The following ZNF66 variants were observed in gnomAD, a reference collection of about 807,000 sequenced individuals.
ZNF66 encodes putative zinc finger protein 66.
A neutral mutation model predicts 35.2 loss-of-function variants in ZNF66; 32 were observed. The ratio of observed to expected loss-of-function variants is 0.91; its 90% CI spans 0.69 to 1.22. The LOEUF (loss-of-function observed/expected upper bound fraction) is 1.22, where lower values mean the gene tolerates loss of function less well. Among genes scored for constraint, ZNF66 ranks in the 50% most tolerant of loss-of-function variants. ZNF66 has a pLI of 0.00. For synonymous variants in ZNF66, 231 were observed against 181.3 expected (o/e 1.27, Z -2.20); for missense variants, 666 against 543.1 (o/e 1.23, Z -2.25).
At position 20,807,617 on chromosome 19, in the gene ZNF66, G is replaced by A. The variant is rs1171987403; in HGVS notation, c.*295G>A. ...TTTTTTGAGATGAAGTTTCATGCTTGTCACCCAAGCTGGAATACAATGTGA... is the reference window on the plus strand; with the variant it reads ...TTTTTTGAGATGAAGTTTCATGCTTATCACCCAAGCTGGAATACAATGTGA... On this transcript the variant is annotated 3_prime_UTR_variant, in exon 4 of 4. Coordinates refer to ENST00000344519, the MANE Select transcript of ZNF66 (RefSeq NM_001355197.2). 6.9e-6 allele frequency among the ~76,000 whole-genome samples: 1 copy of A among 144,162 alleles called. No individual in the cohort carries two copies. The highest frequency in any genetic ancestry group is 2.6e-5 in the African/African-American group (1 of 38,824). The allele number at this position is 144,162 out of a possible 152,430, so 94.6% of individuals were successfully genotyped here.
intron 1 of ZNF66, among the ~76,000 whole-genome samples, chr19:20,777,452 A>AT (rs756548895): frequency 0.019 from 2,350 of 123,094 alleles, 34 homozygotes; most frequent in East Asian, 0.031. Context: ...TTGAGCTTAG[A>AT]TTTTTTTTTT....
chr19:20,806,735 A>G lies in ZNF66; in HGVS notation c.1135A>G (p.Lys379Glu). 1 of 1,384,634 alleles carries G rather than the reference A, an allele frequency of 7.2e-7. No homozygotes were observed. Among genetic ancestry groups the G allele is most frequent in the Non-Finnish European group, 1.0e-6 (1 of 973,922 alleles). The allele number at this position is 1,384,634 out of a possible 1,614,324, so 85.8% of individuals were successfully genotyped here. The part of the protein sequence containing the change: ...YKCEECGEAF[K>E]YSCSLTAHKI... Reference sequence around the variant, plus strand: ...ATGTGAAGAATGTGGTGAAGCCTTTAAGTACTCCTGTTCCCTTACTGCACA... The same window carrying G: ...ATGTGAAGAATGTGGTGAAGCCTTTGAGTACTCCTGTTCCCTTACTGCACA... The change falls in exon 4 of 4, where the codon AAG becomes GAG. Residue 379 changes from lysine to glutamate, a missense_variant. Coordinates refer to ENST00000344519, the MANE Select transcript of ZNF66 (RefSeq NM_001355197.2).
intron 1 of ZNF66, among the ~76,000 whole-genome samples, chr19:20,789,492 C>G (rs1279509114): frequency 6.6e-6 from 1 of 152,108 alleles, no homozygotes; most frequent in Admixed American, 6.6e-5. Flanking sequence ...TCTATTAAAA[C>G]CAGTGTTTGC....
At chr19:20,789,169 GGGATT>G (rs1971314063) in intron 1 of ZNF66, among the ~76,000 whole-genome samples, 1 of 152,084 alleles carries the variant, frequency 6.6e-6, no homozygotes, top group Admixed American at 6.6e-5. Flanking sequence ...CAGAAATTCT[GGGATT>G]TAAGTTTTTC....
chr19:20,784,431 C>T (rs1256672706), intron 1 of ZNF66, among the ~76,000 whole-genome samples: 1 of 152,054 alleles, frequency 6.6e-6, no homozygotes, highest in African/African-American at 2.4e-5. Context: ...AATGAGTAAA[C>T]ACAATTTAGG....
At chr19:20,799,503 ATTGTG>A (rs1207115003) in intron 3 of ZNF66, 1 of 102,586 alleles carries the variant, frequency 9.7e-6, no homozygotes, top group Non-Finnish European at 2.2e-5. Context: ...TTTTGTTGGT[ATTGTG>A]TTTTTTGTTT....
At chr19:20,803,734 G>A (rs971757988) in intron 3 of ZNF66, among the ~76,000 whole-genome samples, 1 of 150,422 alleles carries the variant, frequency 6.6e-6, no homozygotes, top group African/African-American at 2.4e-5. Context: ...GTTATTTTCA[G>A]TGGAGGAAAC....
At chr19:20,794,015 G>A (rs978085959) in intron 3 of ZNF66, 137 bp downstream of exon 3, 2 of 542,162 alleles carry the variant, frequency 3.7e-6, no homozygotes, top group Non-Finnish European at 6.5e-6. Context: ...TTTGTTTTTT[G>A]TTTTTGTTTT....
intron 3 of ZNF66, among the ~76,000 whole-genome samples, chr19:20,804,509 T>C (rs1971480961): frequency 6.6e-6 from 1 of 152,174 alleles, no homozygotes; most frequent in Admixed American, 6.6e-5. Flanking sequence ...CCTCTCAAAG[T>C]GCTGGGATTA....
In ZNF66 at chr19:20,807,553, G is replaced by A. The variant is rs1000929742; in HGVS notation, c.*231G>A. 4.9e-4 allele frequency among the ~76,000 whole-genome samples: 74 copies of A among 151,672 alleles called. No homozygotes were observed. The highest frequency in any genetic ancestry group is 1.0e-4 in the Non-Finnish European group (7 of 67,976). ...AAACCCTACACCTGTGAAGAATGTG[G>A]CATAGCCTATAACAATTTTCAATCA... On this transcript the variant is annotated 3_prime_UTR_variant, in exon 4 of 4. Coordinates refer to ENST00000344519, the MANE Select transcript of ZNF66 (RefSeq NM_001355197.2).
rs769327884 is a variant in ZNF66 at position 20,806,146 on chromosome 19, T to C, written c.546T>C (p.Phe182=). The change falls in exon 4 of 4, where the codon TTT becomes TTC. Residue 182 remains phenylalanine (F), a synonymous_variant. Coordinates refer to ENST00000344519, the MANE Select transcript of ZNF66 (RefSeq NM_001355197.2). ...AATTTACAGAATGTGGCAAAGCTTT[T>C]AACCGGTCCTCAACCTTTACTACAC... ...PCKFTECGKA[F]NRSSTFTTHK... is the part of the protein sequence containing the mutation. 20 of 1,155,930 alleles carry C rather than the reference T, an allele frequency of 1.7e-5. No homozygotes were observed. The African/African-American group carries it at 1.8e-4, about 11-fold the overall frequency. The allele number at this position is 1,155,930 out of a possible 1,614,324, so 71.6% of individuals were successfully genotyped here.
intron 1 of ZNF66, among the ~76,000 whole-genome samples, chr19:20,778,573 C>T (rs1971216603): frequency 6.6e-6 from 1 of 152,002 alleles, no homozygotes; most frequent in South Asian, 2.1e-4. Flanking sequence ...TACTTGAGGT[C>T]AGGAATTTGA....
At chr19:20,782,082 C>G (rs185275016) in intron 1 of ZNF66, among the ~76,000 whole-genome samples, 2,299 of 152,164 alleles carry the variant, frequency 0.015, 30 homozygotes, top group Non-Finnish European at 0.025. Context: ...AGGACTACAC[C>G]TGGGCGTTAC....
In ZNF66 at chr19:20,799,874, G is replaced by A. The variant is rs1373913943; in HGVS notation, c.227-5953G>A. 2.6e-5 allele frequency among the ~76,000 whole-genome samples: 4 copies of A among 152,076 alleles called. No individual in the cohort carries two copies. The South Asian group carries it at 6.2e-4, about 24-fold the overall frequency. On this transcript the variant is annotated intron_variant, in intron 3 of 3. Coordinates refer to ENST00000344519, the MANE Select transcript of ZNF66 (RefSeq NM_001355197.2). ...TTGACATCTTTGAAAAATAAAATTT[G>A]TTGCCCCCTGAGCAAGAATATGTTG...
chr19:20,806,100 A>T lies in ZNF66; in HGVS notation c.500A>T (p.His167Leu). The change falls in exon 4 of 4, where the codon CAT (histidine) becomes CTT (leucine). Residue 167 changes from histidine (H) to leucine (L), a missense_variant. By Grantham distance (99) the His-to-Leu change is moderately conservative. Coordinates refer to ENST00000344519, the MANE Select transcript of ZNF66 (RefSeq NM_001355197.2). ...AATACAAACAGACATAAGATAAGAC[A>T]TACTGGAAAAAACCCTTGCAAATTT... ...FSNTNRHKIR[H>L]TGKNPCKFTE... The T allele has an allele frequency of 1.1e-6, 1 of 914,432 alleles. No homozygotes were observed. Among genetic ancestry groups the T allele is most frequent in the Non-Finnish European group, 1.8e-6 (1 of 552,266 alleles). 56.6% of individuals were successfully genotyped at this position (914,432 alleles called of 1,614,324 possible). A position where few individuals can be genotyped will look rare whatever the true frequency, so the allele number is the denominator to read the frequency against.
rs187484539 is a variant in ZNF66 at position 20,788,876 on chromosome 19, C to T, written c.4-3636C>T. Among the ~76,000 whole-genome samples, 17 of 151,884 alleles carry T rather than the reference C, an allele frequency of 1.1e-4. 1 individual carries two copies. The highest frequency in any genetic ancestry group is 6.6e-4 in the Admixed American group (10 of 15,254). The stretch of plus-strand genomic sequence containing the variant: ...GACCAGCCTGACCAATGTGGTGAAA[C>T]GCCGTCTCTACTAATAATACAAAAA... On this transcript the variant is annotated intron_variant, in intron 1 of 3. Transcript: ENST00000344519.
At chr19:20,792,295 A>G (rs1387421350) in intron 1 of ZNF66, among the ~76,000 whole-genome samples, 2 of 152,242 alleles carry the variant, frequency 1.3e-5, no homozygotes, top group Admixed American at 6.5e-5. Flanking sequence ...CTAGAAAAAT[A>G]TATGAACTGA....
At chr19:20,782,014 T>G (rs918757350) in intron 1 of ZNF66, among the ~76,000 whole-genome samples, 4 of 152,190 alleles carry the variant, frequency 2.6e-5, no homozygotes, top group African/African-American at 9.7e-5. Flanking sequence ...TTGGCTTACT[T>G]TAACCTCAAC....
chr19:20,793,899 A>G (rs763908232), intron 3 of ZNF66, 21 bp downstream of exon 3: 21 of 1,042,342 alleles, frequency 2.0e-5, no homozygotes, highest in Non-Finnish European at 2.6e-5. Context: ...GTGAAAATGA[A>G]TACAACAGAC....
Sources: gnomAD v4.1 joint callset for allele counts (sites outside exome capture counted in the v4.1 genomes callset) on GRCh38, gnomAD v4.1.1 for gene constraint, MANE v1.5 for transcripts, NCBI Gene and HGNC (gene_info 2026-07-23, HGNC 2026-07-21) for gene names.